The following NOX4 variants were observed in gnomAD, a reference collection of about 807,000 sequenced individuals.
NOX4 encodes kidney oxidase-1.
A neutral mutation model predicts 87.6 loss-of-function variants in NOX4; 69 were observed. The ratio of observed to expected loss-of-function variants is 0.79; its 90% CI spans 0.65 to 0.96. The LOEUF is 0.96. NOX4 is among the 40% of genes least tolerant of loss of function. The pLI, the probability that NOX4 is intolerant of heterozygous loss-of-function variation, is 0.00. For missense variants in NOX4, 680 were observed against 681.5 expected, an observed-to-expected ratio of 1.00 and a Z score of 0.02; for synonymous variants, 275 against 238.2, an observed-to-expected ratio of 1.15 and a Z score of -1.42.
At chr11:89,445,492 G>T (rs910317172) in intron 4 of NOX4, among the ~76,000 whole-genome samples, 1 of 152,050 alleles carries the variant, frequency 6.6e-6, no homozygotes, top group African/African-American at 2.4e-5. Context: ...CAGTAATCAA[G>T]AATGTATGGT....
At chr11:89,355,399 C>G (rs1937964690) in intron 12 of NOX4, among the ~76,000 whole-genome samples, 2 of 148,382 alleles carry the variant, frequency 1.3e-5, no homozygotes, top group Non-Finnish European at 1.5e-5. Context: ...TATAAATATA[C>G]ATAATATATA....
the NOX4 span, among the ~76,000 whole-genome samples, chr11:89,564,087 C>T: frequency 8.6e-5 from 13 of 151,866 alleles, no homozygotes; most frequent in Admixed American, 7.2e-4. Flanking sequence ...TGAAATGTAC[C>T]GTATTATAAA....
At chr11:89,356,214 G>A (rs1408991684) in intron 12 of NOX4, among the ~76,000 whole-genome samples, 1 of 152,056 alleles carries the variant, frequency 6.6e-6, no homozygotes, top group Non-Finnish European at 1.5e-5. Flanking sequence ...TGAAATAGGA[G>A]AGAAGCAAAA....
chr11:89,501,560 A>G (rs1282032966), upstream of NOX4, among the ~76,000 whole-genome samples: 1 of 152,058 alleles, frequency 6.6e-6, no homozygotes, highest in Non-Finnish European at 1.5e-5. Flanking sequence ...AATACTACTA[A>G]GGGTCTGAAA....
chr11:89,514,835 G>T, the NOX4 span, among the ~76,000 whole-genome samples: 1 of 151,882 alleles, frequency 6.6e-6, no homozygotes. Flanking sequence ...GCCTATTCTT[G>T]AGTGTTGTAT....
rs536064044 is a variant in NOX4 at position 89,442,257 on chromosome 11, A to C, written c.448-1542T>G. ...TTTCATCCCTTAGATTGGGAAAAAA[A>C]AACAGAGATGAGTTGTAGAAATAGG... is the stretch of plus-strand genomic sequence containing the variant. On this transcript the variant is annotated intron_variant, in intron 5 of 17. Transcript: ENST00000263317. Among the ~76,000 whole-genome samples, 19 of 152,084 alleles carry C rather than the reference A, an allele frequency of 1.2e-4. No homozygotes were observed. In the East Asian group the frequency reaches 2.9e-3, roughly 23 times the overall value.
intron 2 of NOX4, among the ~76,000 whole-genome samples, chr11:89,477,602 A>G (rs1417691614): frequency 2.0e-5 from 3 of 152,206 alleles, no homozygotes; most frequent in East Asian, 1.9e-4. Context: ...GAAGTCTGGC[A>G]CAGACCCATG....
intron 8 of NOX4, 44 bp downstream of exon 8, chr11:89,421,858 T>G: frequency 8.2e-7 from 1 of 1,223,490 alleles, no homozygotes; most frequent in Non-Finnish European, 1.2e-6. Flanking sequence ...ATTACCCCAT[T>G]TTGGGGCACA....
At chr11:89,342,978 C>T (rs2135387168) in intron 13 of NOX4, among the ~76,000 whole-genome samples, 1 of 152,272 alleles carries the variant, frequency 6.6e-6, no homozygotes, top group South Asian at 2.1e-4. Context: ...TACTACATTT[C>T]TCAGACTCCC....
intron 8 of NOX4, among the ~76,000 whole-genome samples, chr11:89,419,176 C>G (rs1453086151): frequency 8.6e-5 from 13 of 151,912 alleles, no homozygotes; most frequent in Admixed American, 3.9e-4. Flanking sequence ...ATGGTACTTA[C>G]CACATTGATG....
intron 11 of NOX4, among the ~76,000 whole-genome samples, chr11:89,391,847 A>C (rs1206690331): frequency 1.3e-5 from 2 of 152,070 alleles, no homozygotes; most frequent in African/African-American, 4.8e-5. Context: ...TTTAAAATAC[A>C]TATTAATCAG....
intron 12 of NOX4, among the ~76,000 whole-genome samples, chr11:89,369,579 C>A (rs1448703269): frequency 6.6e-6 from 1 of 152,060 alleles, no homozygotes; most frequent in Non-Finnish European, 1.5e-5. Flanking sequence ...TTGTAATTCA[C>A]TAGTCATGGC....
chr11:89,449,463 C>A lies in NOX4; in HGVS notation c.326G>T (p.Gly109Val). ...DKSRTFHITC[G>V]VTICIFSGVH... ...ACCTGAGAAAATACAGATAGTAACA[C>A]CACAGGTAATATGGAATGTTCTGCT... is the stretch of plus-strand genomic sequence containing the variant. The change falls in exon 4 of 18, where the codon GGT becomes GTT. Residue 109 changes from glycine (G) to valine (V), a missense_variant. Gly to Val is a moderately radical substitution (Grantham distance 109, BLOSUM62 -3). Transcript: ENST00000263317. 1.2e-6 allele frequency: 2 copies of A among 1,611,082 alleles called. No individual in the cohort carries two copies. Among genetic ancestry groups the A allele is most frequent in the Non-Finnish European group, 1.7e-6 (2 of 1,178,246 alleles).
At chr11:89,530,077 ATAC>A in the NOX4 span, among the ~76,000 whole-genome samples, 1 of 152,082 alleles carries the variant, frequency 6.6e-6, no homozygotes, top group Admixed American at 6.6e-5. Context: ...AGTAAAAATT[ATAC>A]TACAATATTA....
At chr11:89,565,452 A>G in the NOX4 span, among the ~76,000 whole-genome samples, 1 of 152,156 alleles carries the variant, frequency 6.6e-6, no homozygotes, top group East Asian at 1.9e-4. Flanking sequence ...TGAGCATTTT[A>G]TTGCTTTCTT....
the NOX4 span, among the ~76,000 whole-genome samples, chr11:89,505,902 T>C: frequency 6.6e-6 from 1 of 151,800 alleles, no homozygotes. Flanking sequence ...TTTCAAGACA[T>C]TGGACATGAA....
the NOX4 span, among the ~76,000 whole-genome samples, chr11:89,585,914 C>A: frequency 6.6e-6 from 1 of 152,316 alleles, no homozygotes; most frequent in East Asian, 1.9e-4. Context: ...ATTTCTATGA[C>A]AATCACTGAA....
At chr11:89,493,721 T>TTTTTTTTTTA (rs372046431), upstream of NOX4, among the ~76,000 whole-genome samples, 3 of 142,302 alleles carry the variant, frequency 2.1e-5, no homozygotes, top group African/African-American at 7.7e-5. Context: ...GCCAGATTGT[T>TTTTTTTTTTA]TTATTATTAT....
chr11:89,489,795 C>T lies in NOX4; in HGVS notation c.153+663G>A, dbSNP rs375927165. On this transcript the variant is annotated intron_variant, in intron 2 of 17. Transcript: ENST00000263317. ...CAATCTCCTTGTGCAAAGTAATATGCCTTCAGTGACACTATCTTCTGTTAA... is the reference window on the plus strand; with the variant it reads ...CAATCTCCTTGTGCAAAGTAATATGTCTTCAGTGACACTATCTTCTGTTAA... Among the ~76,000 whole-genome samples, 16 of 150,998 alleles carry T rather than the reference C, an allele frequency of 1.1e-4. No individual in the cohort carries two copies. In the East Asian group the frequency reaches 1.9e-3, roughly 18 times the overall value.
Sources: gnomAD v4.1 joint callset for allele counts (sites outside exome capture counted in the v4.1 genomes callset) on GRCh38, gnomAD v4.1.1 for gene constraint, MANE v1.5 for transcripts, NCBI Gene and HGNC (gene_info 2026-07-23, HGNC 2026-07-21) for gene names.